HDAC9: variants seen among roughly 807,000 people sequenced by gnomAD.
HDAC9 encodes histone deacetylase 9.
Under a neutral mutation model 139.4 loss-of-function variants are expected in HDAC9, and 41 were observed. That is an observed-to-expected ratio of 0.29 (90% confidence interval 0.23 to 0.38). The LOEUF is 0.38. HDAC9 is among the 10% of genes least tolerant of loss of function. The pLI is 1.00. For missense variants in HDAC9, 1,147 were observed against 1,297.0 expected, an observed-to-expected ratio of 0.88 and a Z score of 1.78; for synonymous variants, 517 against 476.2, an observed-to-expected ratio of 1.09 and a Z score of -1.12.
chr7:18,461,383 T>C (rs900146786), intron 1 of HDAC9, among the ~76,000 whole-genome samples: 7 of 152,190 alleles, frequency 4.6e-5, no homozygotes, highest in Admixed American at 4.6e-4. Context: ...AAGTGTTTAT[T>C]GTAAAATTGA....
At chr7:18,159,129 G>C (rs1787437686) in intron 1 of HDAC9, among the ~76,000 whole-genome samples, 1 of 152,246 alleles carries the variant, frequency 6.6e-6, no homozygotes, top group Middle Eastern at 3.4e-3. Context: ...CCTTAAATGT[G>C]CACGAATATG....
At chr7:18,856,592 A>C (rs1368229610) in intron 21 of HDAC9, among the ~76,000 whole-genome samples, 1 of 152,188 alleles carries the variant, frequency 6.6e-6, no homozygotes, top group Non-Finnish European at 1.5e-5. Flanking sequence ...GCAAATGTAC[A>C]TTATGAATGT....
chr7:18,669,844 T>C (rs1795556009), intron 12 of HDAC9, among the ~76,000 whole-genome samples: 1 of 151,882 alleles, frequency 6.6e-6, no homozygotes, highest in Non-Finnish European at 1.5e-5. Context: ...TTTTTTCTTC[T>C]GGAAGTAAAA....
At chr7:18,851,244 C>T (rs1414657912) in intron 21 of HDAC9, among the ~76,000 whole-genome samples, 1 of 152,124 alleles carries the variant, frequency 6.6e-6, no homozygotes, top group Non-Finnish European at 1.5e-5. Context: ...AATCTCATCT[C>T]GAATTGTAAT....
chr7:18,674,987 T>G (rs1781410199), intron 12 of HDAC9, among the ~76,000 whole-genome samples: 1 of 151,796 alleles, frequency 6.6e-6, no homozygotes, highest in African/African-American at 2.4e-5. Flanking sequence ...GATAAAAATA[T>G]AATATCTAGA....
intron 2 of HDAC9, among the ~76,000 whole-genome samples, chr7:18,542,036 C>T (rs370747487): frequency 4.6e-5 from 7 of 152,078 alleles, no homozygotes; most frequent in East Asian, 1.9e-4. Context: ...TGTTTAGCAG[C>T]GTCTCTGGCC....
rs114571132 is a variant in HDAC9, at chr7:18,505,192, A to T, written c.22+8868A>T. 6.2e-3 allele frequency among the ~76,000 whole-genome samples: 948 copies of T among 152,338 alleles called. 10 individuals carry two copies. Among genetic ancestry groups the T allele is most frequent in the African/African-American group, 0.022 (918 of 41,586 alleles). The stretch of plus-strand genomic sequence containing the variant: ...AAGCAGCATTCCTGATGCATTTGGC[A>T]CCTGTTTGCCAGTGTTCATGATACA... On this transcript the variant is annotated intron_variant, in intron 2 of 25. Coordinates refer to ENST00000686413, the MANE Select transcript of HDAC9 (RefSeq NM_178425.4).
At chr7:18,445,927 T>C (rs1287937702) in intron 1 of HDAC9, among the ~76,000 whole-genome samples, 1 of 152,232 alleles carries the variant, frequency 6.6e-6, no homozygotes, top group Non-Finnish European at 1.5e-5. Flanking sequence ...AAGTCAAACA[T>C]ATCTTAGGAT....
At chr7:18,954,342 G>A (rs1040457493) in intron 24 of HDAC9, 112 bp downstream of exon 24, 1 of 850,372 alleles carries the variant, frequency 1.2e-6, no homozygotes, top group African/African-American at 1.7e-5. Context: ...ATTTGCACAT[G>A]CGTTCTTAAG....
chr7:18,188,113 A>G (rs1790056519), intron 2 of HDAC9, among the ~76,000 whole-genome samples: 2 of 152,224 alleles, frequency 1.3e-5, no homozygotes, highest in Non-Finnish European at 2.9e-5. Context: ...ACAAGTCTAC[A>G]GTAACCAAAA....
At chr7:18,509,305 G>A (rs1025350440) in intron 2 of HDAC9, 40 of 985,266 alleles carry the variant, frequency 4.1e-5, no homozygotes, top group Admixed American at 6.1e-5. Context: ...GGAAGGGGTG[G>A]GGAAGCCTTT....
At chr7:18,687,444 A>C (rs1782353568) in intron 12 of HDAC9, among the ~76,000 whole-genome samples, 1 of 151,894 alleles carries the variant, frequency 6.6e-6, no homozygotes, top group African/African-American at 2.4e-5. Flanking sequence ...TATAATTGAT[A>C]CTATCATAGA....
chr7:18,190,086 C>T (rs761346944), intron 2 of HDAC9, among the ~76,000 whole-genome samples: 16 of 151,984 alleles, frequency 1.1e-4, no homozygotes, highest in African/African-American at 1.5e-4. Context: ...ATTACAGGTG[C>T]CTGCCACCAT....
At chr7:18,811,732 C>A (rs1195149049) in intron 17 of HDAC9, among the ~76,000 whole-genome samples, 2 of 151,288 alleles carry the variant, frequency 1.3e-5, no homozygotes, top group Non-Finnish European at 3.0e-5. Context: ...TATTAATTTT[C>A]TTAAAAAGTT....
intron 16 of HDAC9, among the ~76,000 whole-genome samples, chr7:18,791,666 G>A (rs1332624976): frequency 2.6e-5 from 4 of 152,168 alleles, no homozygotes; most frequent in Non-Finnish European, 5.9e-5. Flanking sequence ...CTTCAGGAGG[G>A]TGATGGAAAG....
chr7:18,931,633 C>T (rs1804751419), intron 22 of HDAC9, among the ~76,000 whole-genome samples: 1 of 151,960 alleles, frequency 6.6e-6, no homozygotes, highest in Admixed American at 6.6e-5. Context: ...CAGTTGTTTA[C>T]CAAGTGGATT....
intron 2 of HDAC9, among the ~76,000 whole-genome samples, chr7:18,515,453 T>C (rs929784680): frequency 9.9e-5 from 15 of 152,278 alleles, no homozygotes; most frequent in African/African-American, 3.1e-4. Context: ...GCGTTAGACA[T>C]ATTATGTGGA....
At chr7:18,392,471 T>C (rs139605148) in intron 1 of HDAC9, among the ~76,000 whole-genome samples, 3 of 152,128 alleles carry the variant, frequency 2.0e-5, no homozygotes, top group African/African-American at 7.2e-5. Flanking sequence ...ATGCTAATGA[T>C]GTTAAAATCC....
chr7:18,171,274 G>C (rs1638495507), intron 2 of HDAC9, among the ~76,000 whole-genome samples: 1 of 152,188 alleles, frequency 6.6e-6, no homozygotes, highest in Non-Finnish European at 1.5e-5. Context: ...AGGAATGCTG[G>C]TGATTTTTGC....
Sources: allele counts gnomAD v4.1 joint callset (sites outside exome capture counted in the v4.1 genomes callset), GRCh38; gene constraint gnomAD v4.1.1; transcripts MANE v1.5; gene names NCBI Gene and HGNC (gene_info 2026-07-23, HGNC 2026-07-21).